The following ADD2 variants were observed in gnomAD, a reference collection of about 807,000 sequenced individuals.
The protein encoded by ADD2 is beta-adducin.
A neutral mutation model predicts 83.0 loss-of-function variants in ADD2; 23 were observed. The ratio of observed to expected loss-of-function variants is 0.28; its 90% confidence interval spans 0.20 to 0.39. The LOEUF (loss-of-function observed/expected upper bound fraction) is 0.39. ADD2 is among the 10% of genes least tolerant of loss of function. The pLI is 1.00. For missense variants in ADD2, 758 were observed against 944.9 expected (o/e 0.80, Z 2.59); for synonymous variants, 375 against 375.4 (o/e 1.00, Z 0.01).
intron 1 of ADD2, among the ~76,000 whole-genome samples, chr2:70,716,801 G>C (rs893308745): frequency 1.3e-5 from 2 of 152,138 alleles, no homozygotes; most frequent in African/African-American, 4.8e-5. Context: ...TGCATGGCAG[G>C]TGCCTCAGTG....
intron 1 of ADD2, among the ~76,000 whole-genome samples, chr2:70,719,301 G>A (rs1479596058): frequency 3.3e-5 from 5 of 152,178 alleles, no homozygotes; most frequent in Non-Finnish European, 5.9e-5. Flanking sequence ...CTCACCACTG[G>A]GGATGTGAAG....
intron 1 of ADD2, among the ~76,000 whole-genome samples, chr2:70,724,372 G>T (rs188037708): frequency 1.3e-5 from 2 of 152,306 alleles, no homozygotes; most frequent in East Asian, 3.9e-4. Context: ...TGTTCCTCCT[G>T]CATTTCTGGG....
At chr2:70,680,952 A>G (rs1163570980) in intron 10 of ADD2, among the ~76,000 whole-genome samples, 7 of 152,184 alleles carry the variant, frequency 4.6e-5, no homozygotes, top group Non-Finnish European at 7.3e-5. Context: ...TTCAGGAGAA[A>G]TTTAGTTTAT....
intron 1 of ADD2, among the ~76,000 whole-genome samples, chr2:70,751,874 A>G (rs1674520957): frequency 6.6e-6 from 1 of 152,206 alleles, no homozygotes; most frequent in African/African-American, 2.4e-5. Context: ...TGGAGCTTGA[A>G]GTCATTCTCT....
intron 14 of ADD2, among the ~76,000 whole-genome samples, chr2:70,673,820 C>A (rs1183830657): frequency 1.3e-5 from 2 of 152,198 alleles, no homozygotes; most frequent in African/African-American, 4.8e-5. Flanking sequence ...TGGTCTCGAA[C>A]TGCTGACCTC....
At chr2:70,704,264 C>CCCCCCCCCCCCCCCCCCCCCCCA in intron 4 of ADD2, 57 bp downstream of exon 4, 5 of 425,204 alleles carry the variant, frequency 1.2e-5, no homozygotes, top group Non-Finnish European at 1.9e-5. Flanking sequence ...TCCCTCTCTT[C>CCCCCCCCCCCCCCCCCCCCCCCA]CCCACCCCAC....
At chr2:70,703,740 A>G (rs1553373840) in intron 4 of ADD2, among the ~76,000 whole-genome samples, 1 of 152,180 alleles carries the variant, frequency 6.6e-6, no homozygotes, top group Non-Finnish European at 1.5e-5. Flanking sequence ...TGCATAATCT[A>G]TATATGTTAA....
chr2:70,721,199 T>C (rs1185780580), intron 1 of ADD2, among the ~76,000 whole-genome samples: 1 of 152,256 alleles, frequency 6.6e-6, no homozygotes, highest in African/African-American at 2.4e-5. Context: ...GTTGTTGACA[T>C]TTTCCTTACA....
At chr2:70,739,525 T>C (rs192187652) in intron 1 of ADD2, among the ~76,000 whole-genome samples, 3 of 152,348 alleles carry the variant, frequency 2.0e-5, no homozygotes, top group African/African-American at 7.2e-5. Context: ...AGCAATCTTA[T>C]TACTGTTATG....
At chr2:70,759,521 C>T (rs1468642347) in intron 1 of ADD2, among the ~76,000 whole-genome samples, 1 of 152,088 alleles carries the variant, frequency 6.6e-6, no homozygotes, top group Non-Finnish European at 1.5e-5. Flanking sequence ...GTGTTTGGGT[C>T]ATGGTGGTGG....
At chr2:70,766,670 A>C (rs1220716549) in intron 1 of ADD2, among the ~76,000 whole-genome samples, 1 of 152,242 alleles carries the variant, frequency 6.6e-6, no homozygotes, top group African/African-American at 2.4e-5. Flanking sequence ...ACTAGACATG[A>C]AAGCAGTTGC....
Position 70,672,967 on chromosome 2 carries a change from G to A in ADD2, c.1781C>T (p.Ala594Val). The A allele has an allele frequency of 6.2e-7, 1 of 1,613,936 alleles. No homozygotes were observed. The highest frequency in any genetic ancestry group is 8.5e-7 in the Non-Finnish European group (1 of 1,180,006). The change falls in exon 15 of 16, where the codon GCA becomes GTA. Residue 594 changes from alanine (A) to valine (V), a missense_variant. By Grantham distance (64) the Ala-to-Val change is moderately conservative (BLOSUM62 0). Around this residue, in one of 5 missense-constraint regions of ADD2, gnomAD observed 165 missense variants for 176.2 expected, o/e 0.94. Transcript: ENST00000264436. Reference sequence around the variant, plus strand: ...CACTGGAGAAGCAGGTGCAGACTTTGCAGGTGAGCCAGGCTCTTCTGGGGC... The same window carrying A: ...CACTGGAGAAGCAGGTGCAGACTTTACAGGTGAGCCAGGCTCTTCTGGGGC... ...ETAPEEPGSP[A>V]KSAPASPVQS...
chr2:70,763,129 T>G (rs1675203409), intron 1 of ADD2, among the ~76,000 whole-genome samples: 1 of 152,024 alleles, frequency 6.6e-6, no homozygotes, highest in Non-Finnish European at 1.5e-5. Flanking sequence ...ACAACTGAAG[T>G]TTAGACTCCA....
intron 1 of ADD2, among the ~76,000 whole-genome samples, chr2:70,727,773 G>A (rs558752040): frequency 1.3e-5 from 2 of 152,204 alleles, no homozygotes; most frequent in East Asian, 3.9e-4. Flanking sequence ...ATGCATGCCT[G>A]TAATCCCAGC....
At chr2:70,677,687 G>C in intron 12 of ADD2, 71 bp downstream of exon 12, 1 of 1,579,166 alleles carries the variant, frequency 6.3e-7, no homozygotes, top group Non-Finnish European at 8.6e-7. Context: ...TGGGAACTCA[G>C]CTCCTGTTTG....
At chr2:70,715,801 G>A (rs1553376252) in intron 1 of ADD2, among the ~76,000 whole-genome samples, 1 of 150,966 alleles carries the variant, frequency 6.6e-6, no homozygotes, top group Non-Finnish European at 1.5e-5. Flanking sequence ...TCCCACCATG[G>A]GATCCCACCT....
chr2:70,748,667 G>A (rs1337523438), intron 1 of ADD2, among the ~76,000 whole-genome samples: 1 of 152,186 alleles, frequency 6.6e-6, no homozygotes, highest in Non-Finnish European at 1.5e-5. Context: ...TTGAGAAAGT[G>A]AAAGCTTCTG....
At chr2:70,747,100 T>G (rs34137834) in intron 1 of ADD2, among the ~76,000 whole-genome samples, 50,967 of 148,406 alleles carry the variant, frequency 0.34, 8,707 homozygotes, top group Middle Eastern at 0.42. Flanking sequence ...AAGCTCCGCC[T>G]CCCAGGTTCA....
chr2:70,688,096 C>T lies in ADD2; in HGVS notation c.876G>A (p.Val292=), dbSNP rs370197079. 1.2e-6 allele frequency: 2 copies of T among 1,614,026 alleles called. No homozygotes were observed. The highest frequency in any genetic ancestry group is 1.7e-5 in the Admixed American group (1 of 60,008). The change falls in exon 9 of 16, where the codon GTG becomes GTA. Residue 292 remains valine, a synonymous_variant. Transcript: ENST00000264436. ...CKILVLRNHG[V]VALGDTVEEA... ...CCTCTACCGTGTCACCCAGAGCAAC[C>T]ACTCCATGGTTTCTTAGCACCAGGA... is the stretch of plus-strand genomic sequence containing the variant.
Sources: gnomAD v4.1 joint callset for allele counts (sites outside exome capture counted in the v4.1 genomes callset) on GRCh38, gnomAD v4.1.1 for gene constraint, gnomAD v4.1.1 regional missense constraint, MANE v1.5 for transcripts, NCBI Gene and HGNC (gene_info 2026-07-23, HGNC 2026-07-21) for gene names.